Variants in PTPRN2 observed in about 807,000 individuals in gnomAD.
The protein encoded by PTPRN2 is protein tyrosine phosphatase receptor type N2.
Under a neutral mutation model 118.8 loss-of-function variants are expected in PTPRN2, and 74 were observed. That is an observed-to-expected ratio of 0.62 (90% CI 0.52 to 0.76). The LOEUF (loss-of-function observed/expected upper bound fraction) is 0.76. PTPRN2 is among the 30% of genes least tolerant of loss of function. The pLI is 0.00. For missense variants in PTPRN2, 1,481 were observed against 1,394.4 expected (o/e 1.06, Z -0.99); for synonymous variants, 641 against 608.0 (o/e 1.05, Z -0.80).
At chr7:157,810,212 G>A (rs1038334621) in intron 12 of PTPRN2, among the ~76,000 whole-genome samples, 5 of 152,238 alleles carry the variant, frequency 3.3e-5, no homozygotes, top group Non-Finnish European at 7.3e-5. Context: ...TTTAAGCAAA[G>A]GCTGCGGACA....
intron 3 of PTPRN2, among the ~76,000 whole-genome samples, chr7:158,279,979 C>T (rs568035095): frequency 6.6e-5 from 10 of 152,124 alleles, no homozygotes; most frequent in Non-Finnish European, 1.5e-4. Flanking sequence ...TAATCCAGAG[C>T]CCCGGACGGC....
chr7:158,217,708 T>C (rs1302729410), intron 3 of PTPRN2, among the ~76,000 whole-genome samples: 1 of 152,146 alleles, frequency 6.6e-6, no homozygotes, highest in East Asian at 1.9e-4. Context: ...AGGAAATGAT[T>C]TGAGAGTTGA....
intron 2 of PTPRN2, among the ~76,000 whole-genome samples, chr7:158,401,636 G>A (rs997378316): frequency 3.2e-4 from 49 of 152,246 alleles, no homozygotes; most frequent in African/African-American, 1.2e-3. Context: ...AAAGGGAAAT[G>A]CTAGTTTAAT....
chr7:157,925,149 G>A lies in PTPRN2; in HGVS notation c.1724-26412C>T, dbSNP rs1325003229. On this transcript the variant is annotated intron_variant, in intron 11 of 22. Coordinates refer to ENST00000389418, the MANE Select transcript of PTPRN2 (RefSeq NM_002847.5). ...GTCAGGATGCACCTGCATTTAGCAC[G>A]TCAGGCAAATGCAGTTATTGAAATG... 2.1e-5 allele frequency among the ~76,000 whole-genome samples: 3 copies of A among 140,500 alleles called. No homozygotes were observed. In the South Asian group the frequency reaches 6.9e-4, roughly 32 times the overall value. 92.2% of individuals were successfully genotyped at this position (140,500 alleles called of 152,430 possible).
chr7:158,574,867 C>T lies in PTPRN2; in HGVS notation c.112+12691G>A, dbSNP rs1563449744. ...CTACTGCAGGATGTCGAACAACGTCCCTGTCCGCCATCCACCTAGTCCCAG... is the reference window on the plus strand; with the variant it reads ...CTACTGCAGGATGTCGAACAACGTCTCTGTCCGCCATCCACCTAGTCCCAG... On this transcript the variant is annotated intron_variant, in intron 1 of 22. Transcript: ENST00000389418. The surrounding 1 kb of genome is among the most constrained non-coding windows in gnomAD (Gnocchi z 4.6). Among the ~76,000 whole-genome samples, 1 of 152,190 alleles carries T rather than the reference C, an allele frequency of 6.6e-6. No homozygotes were observed. Among genetic ancestry groups the T allele is most frequent in the Non-Finnish European group, 1.5e-5 (1 of 68,044 alleles).
intron 11 of PTPRN2, among the ~76,000 whole-genome samples, chr7:158,033,571 A>G (rs1012547508): frequency 6.6e-6 from 1 of 152,078 alleles, no homozygotes; most frequent in Non-Finnish European, 1.5e-5. Flanking sequence ...ATATAGTCTG[A>G]TCTCAGGAGA....
intron 12 of PTPRN2, among the ~76,000 whole-genome samples, chr7:157,895,810 C>T (rs998471674): frequency 5.3e-5 from 8 of 152,096 alleles, no homozygotes; most frequent in East Asian, 1.9e-4. Flanking sequence ...TGAATGTTTA[C>T]GCGTGCCCAC....
chr7:157,783,654 G>A (rs148533444), intron 12 of PTPRN2, among the ~76,000 whole-genome samples: 111 of 151,834 alleles, frequency 7.3e-4, no homozygotes, highest in African/African-American at 2.5e-3. Flanking sequence ...GATTCCAGGA[G>A]CCCTCTTGAA....
intron 11 of PTPRN2, among the ~76,000 whole-genome samples, chr7:158,053,838 C>CCCAGAGACGCAGAGACT (rs879743350): frequency 1.4e-5 from 2 of 141,898 alleles, no homozygotes; most frequent in Non-Finnish European, 3.1e-5. Context: ...ATGCAGAGAC[C>CCCAGAGACGCAGAGACT]CCAGAGACGC....
At position 158,570,465 on chromosome 7, in the gene PTPRN2, C is replaced by T. The variant is rs906383951; in HGVS notation, c.112+17093G>A. Among the ~76,000 whole-genome samples, 1 of 152,220 alleles carries T rather than the reference C, an allele frequency of 6.6e-6. No individual in the cohort carries two copies. Among genetic ancestry groups the T allele is most frequent in the Non-Finnish European group, 1.5e-5 (1 of 68,036 alleles). ...CCATCCTCACAGACGGACTCTGCAC[C>T]GTGAGAAAGCGGCTTCGGCAGCTCC... On this transcript the variant is annotated intron_variant, in intron 1 of 22. Coordinates refer to ENST00000389418, the MANE Select transcript of PTPRN2 (RefSeq NM_002847.5). This position sits in a 1 kb window ranked among gnomAD's most constrained non-coding sequence, Gnocchi z 4.5.
At chr7:157,614,624 C>CTG (rs1218544480) in intron 15 of PTPRN2, among the ~76,000 whole-genome samples, 1 of 152,176 alleles carries the variant, frequency 6.6e-6, no homozygotes, top group African/African-American at 2.4e-5. Flanking sequence ...GTGGGCTGAG[C>CTG]TGTGCCCTGA....
intron 12 of PTPRN2, among the ~76,000 whole-genome samples, chr7:157,758,622 G>T (rs1801949955): frequency 6.6e-6 from 1 of 152,206 alleles, no homozygotes; most frequent in African/African-American, 2.4e-5. Flanking sequence ...GCGGACGCAG[G>T]GGTCCCTGGA....
rs146811737 is a variant in PTPRN2, at chr7:157,801,204, G to A, written c.1788+97469C>T. 2.3e-3 allele frequency among the ~76,000 whole-genome samples: 351 copies of A among 152,014 alleles called. No homozygotes were observed. The highest frequency in any genetic ancestry group is 7.8e-3 in the African/African-American group (324 of 41,440). Reference sequence around the variant, plus strand: ...TGCCTCTCATCTGATTCCGCTACACGGTGCAAGTTACGCCAGACCAGAAAC... The same window carrying A: ...TGCCTCTCATCTGATTCCGCTACACAGTGCAAGTTACGCCAGACCAGAAAC... On this transcript the variant is annotated intron_variant, in intron 12 of 22. Coordinates refer to ENST00000389418, the MANE Select transcript of PTPRN2 (RefSeq NM_002847.5). The surrounding 1 kb of genome is among the most constrained non-coding windows in gnomAD (Gnocchi z 4.2).
intron 13 of PTPRN2, among the ~76,000 whole-genome samples, chr7:157,666,375 G>A (rs1341738270): frequency 6.6e-6 from 1 of 152,100 alleles, no homozygotes; most frequent in Non-Finnish European, 1.5e-5. Context: ...AATTCCCAGT[G>A]AGAAGGACGC....
At chr7:158,110,984 TGG>T in intron 9 of PTPRN2, 69 bp from the exon 10 acceptor site, 1 of 1,357,862 alleles carries the variant, frequency 7.4e-7, no homozygotes, top group African/African-American at 1.5e-5. Context: ...TAAAGCCCTG[TGG>T]CCCCACAGCC....
At chr7:157,612,821 C>CA (rs11411395) in intron 15 of PTPRN2, among the ~76,000 whole-genome samples, 26,036 of 152,172 alleles carry the variant, frequency 0.17, 2,967 homozygotes, top group East Asian at 0.46. Context: ...GGGTCGCGGT[C>CA]AAAGGGCATC....
At position 157,785,701 on chromosome 7, in the gene PTPRN2, T is replaced by C. The variant is rs1376667768; in HGVS notation, c.1789-102764A>G. On this transcript the variant is annotated intron_variant, in intron 12 of 22. Coordinates refer to ENST00000389418, the MANE Select transcript of PTPRN2 (RefSeq NM_002847.5). This position sits in a 1 kb window ranked among gnomAD's most constrained non-coding sequence, Gnocchi z 7.3. ...CACCAAGGGGGAGCCTGCTCAGAGA[T>C]GGGCATGGGGCCGGCCTGGGAAGCA... Among the ~76,000 whole-genome samples, 1 of 152,020 alleles carries C rather than the reference T, an allele frequency of 6.6e-6. No individual in the cohort carries two copies. Among genetic ancestry groups the C allele is most frequent in the African/African-American group, 2.4e-5 (1 of 41,400 alleles).
chr7:158,344,873 G>A (rs1003806890), intron 2 of PTPRN2, among the ~76,000 whole-genome samples: 1 of 152,192 alleles, frequency 6.6e-6, no homozygotes, highest in Non-Finnish European at 1.5e-5. Context: ...GGAAATCACT[G>A]CTTCCCTGTT....
chr7:158,162,341 G>A (rs1822433727), intron 6 of PTPRN2, among the ~76,000 whole-genome samples: 1 of 152,184 alleles, frequency 6.6e-6, no homozygotes, highest in Admixed American at 6.5e-5. Context: ...AAGCAACCAA[G>A]ATGTTCCTCA....
Sources: allele counts gnomAD v4.1 joint callset (sites outside exome capture counted in the v4.1 genomes callset), GRCh38; gene constraint gnomAD v4.1.1; non-coding constraint Gnocchi (gnomAD v3.1); transcripts MANE v1.5; gene names NCBI Gene and HGNC (gene_info 2026-07-23, HGNC 2026-07-21).